HEXD: variants seen among roughly 807,000 people sequenced by gnomAD.
The protein encoded by HEXD is hexosaminidase D.
HEXD carries 47 observed loss-of-function variants against 54.2 expected under a neutral mutation model. That is an observed-to-expected ratio of 0.87 (90% CI 0.69 to 1.11). The LOEUF is 1.11. Among genes scored for constraint, HEXD ranks in the 50% least tolerant of loss-of-function variants. The pLI is 0.00. For missense variants in HEXD, 576 were observed against 649.2 expected, an observed-to-expected ratio of 0.89 and a Z score of 1.23; for synonymous variants, 293 against 287.6, an observed-to-expected ratio of 1.02 and a Z score of -0.19.
At chr17:82,419,190 T>C (rs760118039) in intron 1 of HEXD, among the ~76,000 whole-genome samples, 4 of 152,246 alleles carry the variant, frequency 2.6e-5, no homozygotes, top group Non-Finnish European at 4.4e-5. Flanking sequence ...AGTATAATAC[T>C]ACGGTCAGCT....
At chr17:82,441,368 G>A (rs2053954141) in intron 11 of HEXD, 102 bp downstream of exon 11, 2 of 1,301,218 alleles carry the variant, frequency 1.5e-6, no homozygotes, top group African/African-American at 1.5e-5. Context: ...CGGGTGAGGG[G>A]CAGGTGCAGG....
At position 82,435,052 on chromosome 17, in the gene HEXD, G is replaced by A. The variant is rs538578691; in HGVS notation, c.448-637G>A. Among the ~76,000 whole-genome samples the A allele has an allele frequency of 6.6e-5, 10 of 151,756 alleles. No homozygotes were observed. In the East Asian group the frequency reaches 1.9e-3, roughly 30 times the overall value. ...CCCAGCTACTCAGGAGACTGAGGCA[G>A]GAGAATCACTTGAACCCAGGAGGTG... On this transcript the variant is annotated intron_variant, in intron 5 of 12. Coordinates refer to ENST00000327949, the MANE Select transcript of HEXD (RefSeq NM_001330542.2).
chr17:82,428,603 G>A lies in HEXD; in HGVS notation c.240G>A (p.Glu80=). ...KEILHLAGLN[E]LEVIPLVQTF... ...TCTTGCATCTGGCTGGACTCAATGA[G>A]CTGGAGGTGATTCCCTTGGTGCAGA... Residue 80 remains glutamate, a synonymous_variant, in exon 4 of 13, where the codon GAG becomes GAA. Transcript: ENST00000327949. 3 of 1,613,542 alleles carry A rather than the reference G, an allele frequency of 1.9e-6. No homozygotes were observed. The highest frequency in any genetic ancestry group is 2.5e-6 in the Non-Finnish European group (3 of 1,179,460).
At chr17:82,433,207 C>T (rs2143547272) in intron 4 of HEXD, among the ~76,000 whole-genome samples, 1 of 141,420 alleles carries the variant, frequency 7.1e-6, no homozygotes, top group Non-Finnish European at 1.5e-5. Flanking sequence ...TTTGGGAGGC[C>T]AAGGAAGGCG....
Position 82,424,446 on chromosome 17 carries a change from A to C in HEXD, c.137A>C (p.Glu46Ala). ...GCAAACGGCCTCCTCATTGAGTATGAAGACATGTTTCCCTACGAGGGCCCT... is the reference window on the plus strand; with the variant it reads ...GCAAACGGCCTCCTCATTGAGTATGCAGACATGTTTCCCTACGAGGGCCCT... ...LGANGLLIEY[E>A]DMFPYEGPLR... Residue 46 changes from glutamate (E) to alanine (A), a missense_variant, in exon 3 of 13, where the codon GAA (glutamate) becomes GCA (alanine). Coordinates refer to ENST00000327949, the MANE Select transcript of HEXD (RefSeq NM_001330542.2). 6.2e-7 allele frequency: 1 copy of C among 1,614,072 alleles called. No individual in the cohort carries two copies. Among genetic ancestry groups the C allele is most frequent in the Non-Finnish European group, 8.5e-7 (1 of 1,179,976 alleles).
At chr17:82,439,746 G>A (rs759421711) in intron 9 of HEXD, 33 bp downstream of exon 9, 27 of 1,598,634 alleles carry the variant, frequency 1.7e-5, no homozygotes, top group South Asian at 2.2e-5. Context: ...AAGCCCCACC[G>A]GCCCCTCCCC....
chr17:82,440,150 G>A (rs1599756111), intron 9 of HEXD: 1 of 1,292,528 alleles, frequency 7.7e-7, no homozygotes, highest in Non-Finnish European at 1.0e-6. Context: ...CCATGGGCAG[G>A]GGCAGGCACC....
Position 82,424,413 on chromosome 17 carries a change from C to A in HEXD, c.104C>A (p.Ala35Glu), listed in dbSNP as rs200899503. ...YLSEIFPLFR[A>E]LGANGLLIEY... Reference sequence around the variant, plus strand: ...CCCCAGATTTTTCCTCTGTTCCGTGCGCTAGGTGCAAACGGCCTCCTCATT... The same window carrying A: ...CCCCAGATTTTTCCTCTGTTCCGTGAGCTAGGTGCAAACGGCCTCCTCATT... The change falls in exon 3 of 13, where the codon GCG becomes GAG. Residue 35 changes from alanine (A) to glutamate (E), a missense_variant. Physicochemically the swap from Ala to Glu is moderately radical, Grantham distance 107. Coordinates refer to ENST00000327949, the MANE Select transcript of HEXD (RefSeq NM_001330542.2). 6.2e-7 allele frequency: 1 copy of A among 1,613,834 alleles called. No homozygotes were observed. Among genetic ancestry groups the A allele is most frequent in the Non-Finnish European group, 8.5e-7 (1 of 1,179,748 alleles).
chr17:82,441,968 T>A, intron 12 of HEXD, 79 bp downstream of exon 12: 2 of 1,452,456 alleles, frequency 1.4e-6, no homozygotes, highest in Non-Finnish European at 1.9e-6. Flanking sequence ...GTCCCTCAAC[T>A]AGAGAGCAGA....
chr17:82,441,492 G>C (rs1024097547), intron 11 of HEXD, among the ~76,000 whole-genome samples: 2 of 142,422 alleles, frequency 1.4e-5, no homozygotes, highest in Non-Finnish European at 3.0e-5. Flanking sequence ...AGGTGCAGGT[G>C]AGCAGGCAGG....
chr17:82,420,105 CAA>C (rs1163559297), intron 2 of HEXD: 1 of 366,674 alleles, frequency 2.7e-6, no homozygotes, highest in Non-Finnish European at 4.9e-6. Flanking sequence ...AGACAGAGAA[CAA>C]AAGAAACTCA....
At chr17:82,418,868 TC>T (rs1395502574) in intron 1 of HEXD, 128 bp downstream of exon 1, 1 of 152,168 alleles carries the variant, frequency 6.6e-6, no homozygotes, top group East Asian at 1.9e-4. Flanking sequence ...AGCGTGGCTG[TC>T]CCGCAGCGGC....
rs1349200888 is a variant in HEXD, at chr17:82,419,839, T to C, written c.40T>C (p.Leu14=). The change falls in exon 2 of 13, where the codon TTA becomes CTA. Residue 14 remains leucine, a synonymous_variant. Coordinates refer to ENST00000327949, the MANE Select transcript of HEXD (RefSeq NM_001330542.2). ...STPFQMRLVH[L]DLKGAPPKVS... ...TCCATTTCAGATGAGATTAGTTCAT[T>C]TAGACCTTAAAGGAGCTCCACCAAA... 6.2e-7 allele frequency: 1 copy of C among 1,612,532 alleles called. No homozygotes were observed. Among genetic ancestry groups the C allele is most frequent in the Non-Finnish European group, 8.5e-7 (1 of 1,178,636 alleles).
chr17:82,442,405 G>A lies in HEXD; in HGVS notation c.*21G>A. On this transcript the variant is annotated 3_prime_UTR_variant, in exon 13 of 13. Transcript: ENST00000327949. This position sits in a 1 kb window ranked among gnomAD's most constrained non-coding sequence, Gnocchi z 6.8. ...CCTGAGGGGAGAGCTCATGCCAGGG[G>A]GCTCCTGCTGGAGGCTGGGGGGGCT... 1.9e-6 allele frequency: 3 copies of A among 1,609,450 alleles called. No individual in the cohort carries two copies. The highest frequency in any genetic ancestry group is 2.5e-6 in the Non-Finnish European group (3 of 1,177,236).
At chr17:82,441,540 G>T (rs555731332) in intron 11 of HEXD, among the ~76,000 whole-genome samples, 98 of 148,118 alleles carry the variant, frequency 6.6e-4, no homozygotes, top group African/African-American at 2.4e-3. Context: ...GTGTGGGTAA[G>T]CGGGAAGGCA....
At chr17:82,420,455 AAGGGTCCTCCTCTTCAGCCTTC>A (rs2053201100) in intron 2 of HEXD, 2 of 152,280 alleles carry the variant, frequency 1.3e-5, no homozygotes, top group African/African-American at 4.8e-5. Context: ...AGAAGCAAGG[AAGGGTCCTCCTCTTCAGCCTTC>A]AGGGAGAGCT....
Position 82,437,244 on chromosome 17 carries a change from G to C in HEXD, c.780G>C (p.Gly260=), listed in dbSNP as rs1473615378. 1.2e-6 allele frequency: 2 copies of C among 1,611,346 alleles called. No individual in the cohort carries two copies. The highest frequency in any genetic ancestry group is 1.7e-6 in the Non-Finnish European group (2 of 1,178,964). ...CCAGTGCCTTCAAGGGTGCCACGGGGCCCAGCCAGGCCGTGCCCCCTGTTG... is the reference window on the plus strand; with the variant it reads ...CCAGTGCCTTCAAGGGTGCCACGGGCCCCAGCCAGGCCGTGCCCCCTGTTG... ...WAASAFKGAT[G]PSQAVPPVEH... is the part of the protein sequence containing the mutation. Residue 260 remains glycine (G), a synonymous_variant, in exon 8 of 13, where the codon GGG becomes GGC. Transcript: ENST00000327949.
intron 4 of HEXD, among the ~76,000 whole-genome samples, chr17:82,431,291 A>G (rs1028942246): frequency 4.6e-5 from 7 of 151,944 alleles, no homozygotes; most frequent in African/African-American, 1.7e-4. Flanking sequence ...GGCATGAGCC[A>G]TTGCACCTGG....
intron 4 of HEXD, among the ~76,000 whole-genome samples, chr17:82,432,123 T>A (rs1160136380): frequency 2.0e-5 from 3 of 152,200 alleles, no homozygotes; most frequent in African/African-American, 7.2e-5. Flanking sequence ...CTCCCACACC[T>A]TGAGCCCACA....
Sources: allele counts gnomAD v4.1 joint callset (sites outside exome capture counted in the v4.1 genomes callset), GRCh38; gene constraint gnomAD v4.1.1; non-coding constraint Gnocchi (gnomAD v3.1); transcripts MANE v1.5; gene names NCBI Gene and HGNC (gene_info 2026-07-23, HGNC 2026-07-21).